RANBP17: variants seen among roughly 807,000 people sequenced by gnomAD.
RANBP17 encodes ran-binding protein 17.
A neutral mutation model predicts 141.2 loss-of-function variants in RANBP17; 158 were observed. The ratio of observed to expected loss-of-function variants is 1.12; its 90% CI spans 0.98 to 1.28. The LOEUF is 1.28. Ranked by LOEUF, RANBP17 falls within the 50% of genes most tolerant of loss-of-function variation. RANBP17 has a pLI of 0.00. For synonymous variants in RANBP17, 430 were observed against 450.0 expected (o/e 0.96, Z 0.56); for missense variants, 1,438 against 1,290.7 (o/e 1.11, Z -1.75).
intron 14 of RANBP17, among the ~76,000 whole-genome samples, chr5:171,073,172 A>G (rs1784726531): frequency 6.6e-6 from 1 of 152,110 alleles, no homozygotes; most frequent in Admixed American, 6.6e-5. Context: ...AAATTAAAAA[A>G]TCAACCAAAA....
intron 14 of RANBP17, among the ~76,000 whole-genome samples, chr5:171,040,186 T>A (rs547005586): frequency 4.1e-4 from 63 of 152,280 alleles, no homozygotes; most frequent in African/African-American, 1.5e-3. Context: ...TCAAGTAGAC[T>A]TCATTCCTGG....
At chr5:171,110,231 G>A (rs534148666) in intron 14 of RANBP17, among the ~76,000 whole-genome samples, 2 of 151,870 alleles carry the variant, frequency 1.3e-5, no homozygotes, top group African/African-American at 4.8e-5. Context: ...CTTAGGCTTC[G>A]GTTTCCTCAT....
chr5:171,191,027 TA>T (rs1403980037), intron 18 of RANBP17, among the ~76,000 whole-genome samples: 1 of 152,186 alleles, frequency 6.6e-6, no homozygotes, highest in African/African-American at 2.4e-5. Flanking sequence ...TTTTAATTAC[TA>T]GGGGGATACT....
At chr5:170,975,413 C>T (rs894822433) in intron 14 of RANBP17, among the ~76,000 whole-genome samples, 1 of 152,176 alleles carries the variant, frequency 6.6e-6, no homozygotes, top group African/African-American at 2.4e-5. Context: ...CCTGTAATCT[C>T]AACTACTCTG....
chr5:171,130,431 C>CATTTT (rs1756821783), intron 14 of RANBP17, among the ~76,000 whole-genome samples: 1 of 90,018 alleles, frequency 1.1e-5, no homozygotes, highest in African/African-American at 4.4e-5. Flanking sequence ...TTTAAAAAGA[C>CATTTT]TTTTTTTTTT....
In RANBP17 at chr5:170,916,295, G is replaced by A. The variant is rs12109667; in HGVS notation, c.835-170G>A. On this transcript the variant is annotated intron_variant, in intron 8 of 27. Coordinates refer to ENST00000523189, the MANE Select transcript of RANBP17 (RefSeq NM_022897.5). ...TATATTCTATATTGCATTATAATGC[G>A]TTATATTCTATATTGCATTATAATG... is the stretch of plus-strand genomic sequence containing the variant. Among the ~76,000 whole-genome samples, 24 of 19,554 alleles carry A rather than the reference G, an allele frequency of 1.2e-3. 10 individuals are homozygous for A. The South Asian group carries it at 0.057, about 47-fold the overall frequency. The allele number at this position is 19,554 out of a possible 152,430, so 12.8% of individuals were successfully genotyped here.
chr5:171,009,712 A>C (rs1206110939), intron 14 of RANBP17, among the ~76,000 whole-genome samples: 1 of 152,166 alleles, frequency 6.6e-6, no homozygotes, highest in Non-Finnish European at 1.5e-5. Flanking sequence ...TGTTGCTGTT[A>C]AAAGTAATTA....
In RANBP17 at chr5:171,185,264, G is replaced by T. The variant is rs376923534; in HGVS notation, c.2038+1834G>T. 1.3e-3 allele frequency among the ~76,000 whole-genome samples: 194 copies of T among 152,306 alleles called. 9 individuals carry two copies. In the South Asian group the frequency reaches 0.039, roughly 30 times the overall value. On this transcript the variant is annotated intron_variant, in intron 18 of 27. Transcript: ENST00000523189. ...AATCTTTTTCCTGGTGGAAGGTCTG[G>T]CCTCGATATTGATGGCTGCTGACTG...
At chr5:171,231,450 T>C (rs1764205474) in intron 22 of RANBP17, among the ~76,000 whole-genome samples, 1 of 152,178 alleles carries the variant, frequency 6.6e-6, no homozygotes, top group African/African-American at 2.4e-5. Context: ...AGACTATACG[T>C]AGGATCCTTG....
intron 25 of RANBP17, among the ~76,000 whole-genome samples, chr5:171,279,998 G>A (rs1767757725): frequency 6.6e-6 from 1 of 152,116 alleles, no homozygotes. Flanking sequence ...TAAATGAGAA[G>A]GTTTCCCCTG....
chr5:171,266,076 T>C (rs925411483), intron 25 of RANBP17, among the ~76,000 whole-genome samples: 5 of 152,238 alleles, frequency 3.3e-5, no homozygotes, highest in African/African-American at 4.8e-5. Context: ...TCAGTGGAGC[T>C]AGAATTCAAA....
At chr5:171,112,708 G>A (rs890136876) in intron 14 of RANBP17, among the ~76,000 whole-genome samples, 4 of 151,772 alleles carry the variant, frequency 2.6e-5, no homozygotes, top group Non-Finnish European at 5.9e-5. Flanking sequence ...TGACCTGCTT[G>A]CAGCATAATA....
At chr5:171,191,137 G>A (rs1180723920) in intron 18 of RANBP17, among the ~76,000 whole-genome samples, 1 of 152,110 alleles carries the variant, frequency 6.6e-6, no homozygotes, top group Non-Finnish European at 1.5e-5. Context: ...GAGGTAATTG[G>A]CATCTGAAGA....
chr5:171,234,257 G>A (rs910322357), intron 22 of RANBP17, among the ~76,000 whole-genome samples: 7 of 152,152 alleles, frequency 4.6e-5, no homozygotes, highest in African/African-American at 1.2e-4. Flanking sequence ...TAAGGCGGGA[G>A]TGTATCTAGC....
At chr5:170,977,166 T>G (rs1423422528) in intron 14 of RANBP17, among the ~76,000 whole-genome samples, 1 of 151,984 alleles carries the variant, frequency 6.6e-6, no homozygotes, top group East Asian at 1.9e-4. Flanking sequence ...AATAACCCAG[T>G]TTTTTAAATG....
At chr5:171,137,572 ATGTGTGTG>A (rs140713117) in intron 14 of RANBP17, among the ~76,000 whole-genome samples, 12 of 141,106 alleles carry the variant, frequency 8.5e-5, no homozygotes, top group South Asian at 2.4e-4. Flanking sequence ...TTGACTTGAG[ATGTGTGTG>A]TGTGTGTGTG....
chr5:171,266,947 A>T (rs1033417015), intron 25 of RANBP17, among the ~76,000 whole-genome samples: 11 of 152,056 alleles, frequency 7.2e-5, no homozygotes, highest in African/African-American at 1.7e-4. Flanking sequence ...AAAAATTTTT[A>T]AAAAAACATA....
At chr5:171,187,392 G>A (rs1761327379) in intron 18 of RANBP17, among the ~76,000 whole-genome samples, 1 of 151,814 alleles carries the variant, frequency 6.6e-6, no homozygotes, top group East Asian at 1.9e-4. Flanking sequence ...TTGGCAGAAT[G>A]ATGCCAATAG....
intron 14 of RANBP17, among the ~76,000 whole-genome samples, chr5:170,987,759 A>G (rs1179569889): frequency 1.3e-5 from 2 of 151,718 alleles, no homozygotes; most frequent in African/African-American, 4.8e-5. Flanking sequence ...AGTGCATTTA[A>G]GTGTTGGTGC....
Sources: gnomAD v4.1 joint callset for allele counts (sites outside exome capture counted in the v4.1 genomes callset) on GRCh38, gnomAD v4.1.1 for gene constraint, MANE v1.5 for transcripts, NCBI Gene and HGNC (gene_info 2026-07-23, HGNC 2026-07-21) for gene names.